Variants in POM121 observed in about 807,000 individuals in gnomAD.
POM121 encodes POM121 transmembrane nucleoporin.
A neutral mutation model predicts 81.3 loss-of-function variants in POM121; 32 were observed. The ratio of observed to expected loss-of-function variants is 0.39; its 90% CI spans 0.30 to 0.53. The LOEUF (loss-of-function observed/expected upper bound fraction) is 0.53. Among genes scored for constraint, POM121 ranks in the 20% least tolerant of loss-of-function variants. POM121 has a pLI of 0.66. For missense variants in POM121, 1,138 were observed against 1,614.6 expected, an observed-to-expected ratio of 0.70 and a Z score of 5.06; for synonymous variants, 514 against 694.2, an observed-to-expected ratio of 0.74 and a Z score of 4.08.
At chr7:72,889,351 T>C (rs1554490516) in intron 1 of POM121, among the ~76,000 whole-genome samples, 1 of 152,260 alleles carries the variant, frequency 6.6e-6, no homozygotes, top group Non-Finnish European at 1.5e-5. Flanking sequence ...CTTGTTGATA[T>C]GTTCTTTATA....
intron 3 of POM121, among the ~76,000 whole-genome samples, chr7:72,897,959 C>T (rs1792137015): frequency 6.6e-6 from 1 of 152,102 alleles, no homozygotes; most frequent in East Asian, 1.9e-4. Context: ...GTCATGGCTG[C>T]AGTGAGCTGT....
intron 4 of POM121, among the ~76,000 whole-genome samples, chr7:72,914,019 A>G (rs1452891354): frequency 1.3e-5 from 2 of 152,334 alleles, no homozygotes; most frequent in East Asian, 3.9e-4. Context: ...TGCCCTGACC[A>G]ATAAATAAAG....
At chr7:72,908,812 AC>A (rs1244200254) in intron 3 of POM121, among the ~76,000 whole-genome samples, 1 of 152,110 alleles carries the variant, frequency 6.6e-6, no homozygotes, top group African/African-American at 2.4e-5. Flanking sequence ...AGGCAGCCAG[AC>A]CTAATGGTTA....
upstream of POM121, among the ~76,000 whole-genome samples, chr7:72,922,964 G>A (rs374991029): frequency 1.1e-3 from 159 of 150,220 alleles, no homozygotes; most frequent in African/African-American, 3.1e-3. Flanking sequence ...TTCTTCCCCT[G>A]TTACCCAGGT....
chr7:72,944,679 G>A (rs1377618352), intron 11 of POM121, among the ~76,000 whole-genome samples: 13 of 152,134 alleles, frequency 8.5e-5, no homozygotes, highest in Non-Finnish European at 1.9e-4. Context: ...AGCTCAGGGG[G>A]TGCAGGAGTG....
intron 3 of POM121, among the ~76,000 whole-genome samples, chr7:72,913,139 C>G (rs560680681): frequency 6.6e-6 from 1 of 152,334 alleles, no homozygotes; most frequent in South Asian, 2.1e-4. Flanking sequence ...CAGCTCGAGA[C>G]CATTCAATCC....
At chr7:72,937,980 G>T (rs1218008810) in intron 5 of POM121, among the ~76,000 whole-genome samples, 3 of 152,156 alleles carry the variant, frequency 2.0e-5, no homozygotes, top group Non-Finnish European at 4.4e-5. Context: ...TTAGTTTACT[G>T]GGTTATCTTC....
At chr7:72,928,100 G>A (rs1323262066) in intron 3 of POM121, among the ~76,000 whole-genome samples, 3 of 152,172 alleles carry the variant, frequency 2.0e-5, no homozygotes, top group Admixed American at 6.5e-5. Flanking sequence ...CAGCTACTCT[G>A]GAGGCTGAGG....
chr7:72,943,266 C>G lies in POM121; in HGVS notation c.3273C>G (p.Ser1091Arg). 1 of 1,610,846 alleles carries G rather than the reference C, an allele frequency of 6.2e-7. No homozygotes were observed. Among genetic ancestry groups the G allele is most frequent in the South Asian group, 1.1e-5 (1 of 90,774 alleles). The change falls in exon 11 of 13, where the codon AGC becomes AGG. Residue 1091 changes from serine (S) to arginine (R), a missense_variant. Physicochemically the swap from Ser to Arg is moderately radical, Grantham distance 110. Transcript: ENST00000434423. ...SSGSSSSVFG[S>R]TTPSPFTFGG... ...GGAGCAGCAGCTCGGTGTTTGGCAGCACAACACCATCACCCTTCACGTTTG... is the reference window on the plus strand; with the variant it reads ...GGAGCAGCAGCTCGGTGTTTGGCAGGACAACACCATCACCCTTCACGTTTG...
intron 11 of POM121, among the ~76,000 whole-genome samples, chr7:72,943,745 T>C (rs1300563760): frequency 3.3e-5 from 5 of 151,932 alleles, no homozygotes; most frequent in Non-Finnish European, 7.4e-5. Flanking sequence ...AGTTAACAAT[T>C]GTAAGCTGAA....
chr7:72,924,091 G>GCCC, upstream of POM121, among the ~76,000 whole-genome samples: 1 of 150,308 alleles, frequency 6.7e-6, no homozygotes, highest in East Asian at 2.0e-4. Context: ...GACTACAGGC[G>GCCC]GCACGCCCGG....
At chr7:72,888,980 G>A (rs1221074022) in intron 1 of POM121, among the ~76,000 whole-genome samples, 1 of 151,884 alleles carries the variant, frequency 6.6e-6, no homozygotes, top group Non-Finnish European at 1.5e-5. Context: ...TATTAAACTA[G>A]TCTATATTAT....
rs185551482 is a variant in POM121 at position 72,909,325 on chromosome 7, G to A, written c.-215-4440G>A. ...ATTCCAACATCTTTGTCATCTTAGT[G>A]TTACCATCTGTTGATTGTCTTTCCT... On this transcript the variant is annotated intron_variant, in intron 3 of 15. Coordinates refer to the POM121 transcript ENST00000395270. Among the ~76,000 whole-genome samples the A allele has an allele frequency of 2.5e-4, 38 of 152,226 alleles. 1 individual carries two copies. Among genetic ancestry groups the A allele is most frequent in the Non-Finnish European group, 1.9e-4 (13 of 68,022 alleles).
At chr7:72,927,937 G>C (rs1795626594) in intron 3 of POM121, among the ~76,000 whole-genome samples, 1 of 152,128 alleles carries the variant, frequency 6.6e-6, no homozygotes, top group Non-Finnish European at 1.5e-5. Flanking sequence ...TGGGTGTGGT[G>C]CTGCACGCTT....
At chr7:72,883,447 C>T (rs1335868882) in intron 1 of POM121, among the ~76,000 whole-genome samples, 1 of 152,138 alleles carries the variant, frequency 6.6e-6, no homozygotes, top group Non-Finnish European at 1.5e-5. Flanking sequence ...AGCCACCACA[C>T]CTGGCCAATA....
intron 1 of POM121, among the ~76,000 whole-genome samples, chr7:72,883,392 A>T (rs1156323659): frequency 6.6e-6 from 1 of 152,202 alleles, no homozygotes; most frequent in African/African-American, 2.4e-5. Context: ...GGCCTCAAGC[A>T]GTCCTTTCAC....
intron 4 of POM121, among the ~76,000 whole-genome samples, chr7:72,916,082 A>G (rs1419733341): frequency 6.6e-6 from 1 of 152,166 alleles, no homozygotes; most frequent in African/African-American, 2.4e-5. Context: ...CCTTTGTCAG[A>G]TGGGTAGGTT....
intron 3 of POM121, among the ~76,000 whole-genome samples, chr7:72,913,559 C>CGCTGACTG: frequency 6.6e-6 from 1 of 152,256 alleles, no homozygotes; most frequent in East Asian, 1.9e-4. Flanking sequence ...CCTGGGACAC[C>CGCTGACTG]GCTGACTGGA....
At chr7:72,892,647 T>TCCTC (rs1161796228) in intron 3 of POM121, among the ~76,000 whole-genome samples, 38 of 150,416 alleles carry the variant, frequency 2.5e-4, no homozygotes, top group African/African-American at 8.8e-4. Flanking sequence ...CTCCCTCCCT[T>TCCTC]CCTCCCTCCC....
Sources: gnomAD v4.1 joint callset for allele counts (sites outside exome capture counted in the v4.1 genomes callset) on GRCh38, gnomAD v4.1.1 for gene constraint, MANE v1.5 for transcripts, NCBI Gene and HGNC (gene_info 2026-07-23, HGNC 2026-07-21) for gene names.